SLC6A11: variants seen among roughly 807,000 people sequenced by gnomAD.
The protein encoded by SLC6A11 is solute carrier family 6 member 11.
In SLC6A11, 25 loss-of-function variants were observed where a neutral mutation model predicts 74.8. The ratio of observed to expected loss-of-function variants is 0.33; its 90% CI spans 0.24 to 0.47. The LOEUF is 0.47. Ranked by LOEUF, SLC6A11 falls within the 20% of genes least tolerant of loss-of-function variation. SLC6A11 has a pLI of 1.00. For synonymous variants in SLC6A11, 330 were observed against 330.2 expected, an observed-to-expected ratio of 1.00 and a Z score of 0.01; for missense variants, 574 against 837.0, an observed-to-expected ratio of 0.69 and a Z score of 3.88.
intron 5 of SLC6A11, among the ~76,000 whole-genome samples, chr3:10,846,733 C>A (rs771917032): frequency 6.6e-6 from 1 of 152,150 alleles, no homozygotes; most frequent in Non-Finnish European, 1.5e-5. Flanking sequence ...TTCCACTCCC[C>A]GGCAACTTGC....
chr3:10,938,509 A>G lies in SLC6A11; in HGVS notation c.*107A>G. ...AATGGTAGGGGCTTGCTTGTTTTGC[A>G]CAGGATTAATTAACAAGTTAATTTT... On this transcript the variant is annotated 3_prime_UTR_variant, in exon 14 of 14. Coordinates refer to ENST00000254488, the MANE Select transcript of SLC6A11 (RefSeq NM_014229.3). The G allele has an allele frequency of 8.1e-7, 1 of 1,232,368 alleles. No individual in the cohort carries two copies. Among genetic ancestry groups the G allele is most frequent in the South Asian group, 1.6e-5 (1 of 63,660 alleles). 76.3% of individuals were successfully genotyped at this position (1,232,368 alleles called of 1,614,324 possible). A position where few individuals can be genotyped will look rare whatever the true frequency, so the allele number is the denominator to read the frequency against.
chr3:10,842,132 G>A (rs115316663), intron 4 of SLC6A11, among the ~76,000 whole-genome samples: 4 of 152,280 alleles, frequency 2.6e-5, no homozygotes, highest in Admixed American at 6.5e-5. Flanking sequence ...TTTGGGAGCC[G>A]GTGTATTTCT....
At chr3:10,849,114 A>G (rs1694540592) in intron 5 of SLC6A11, among the ~76,000 whole-genome samples, 1 of 152,144 alleles carries the variant, frequency 6.6e-6, no homozygotes, top group Non-Finnish European at 1.5e-5. Flanking sequence ...TTCTTCATAG[A>G]TATTTTCCCT....
chr3:10,899,801 A>G (rs904394677), intron 6 of SLC6A11, among the ~76,000 whole-genome samples: 1 of 152,204 alleles, frequency 6.6e-6, no homozygotes, highest in South Asian at 2.1e-4. Context: ...TGTCCTTAGT[A>G]TGGAGCAGGA....
At chr3:10,883,316 T>A (rs765790235) in intron 6 of SLC6A11, among the ~76,000 whole-genome samples, 7 of 152,216 alleles carry the variant, frequency 4.6e-5, no homozygotes, top group Non-Finnish European at 2.9e-5. Flanking sequence ...TTTCAGTCTT[T>A]GGGGAGCTGA....
At chr3:10,850,588 A>G (rs1178129791) in intron 5 of SLC6A11, among the ~76,000 whole-genome samples, 1 of 152,118 alleles carries the variant, frequency 6.6e-6, no homozygotes, top group Non-Finnish European at 1.5e-5. Context: ...GATGGGAAGG[A>G]TGGGATGGGG....
At chr3:10,916,887 T>C (rs148130433) in intron 7 of SLC6A11, among the ~76,000 whole-genome samples, 3 of 152,196 alleles carry the variant, frequency 2.0e-5, no homozygotes, top group Non-Finnish European at 4.4e-5. Flanking sequence ...ACCAGTTCAA[T>C]GCTCTCTCTA....
intron 5 of SLC6A11, among the ~76,000 whole-genome samples, chr3:10,850,962 GC>G (rs1694567535): frequency 1.3e-5 from 2 of 152,170 alleles, no homozygotes; most frequent in South Asian, 4.1e-4. Context: ...GTTCTGCAGG[GC>G]CTGGTTCCAT....
chr3:10,916,440 C>G (rs1410132480), intron 7 of SLC6A11, among the ~76,000 whole-genome samples: 1 of 152,208 alleles, frequency 6.6e-6, no homozygotes, highest in Non-Finnish European at 1.5e-5. Context: ...TGAGGAGACT[C>G]TCCTGCAGGC....
intron 6 of SLC6A11, among the ~76,000 whole-genome samples, chr3:10,875,842 A>G (rs533293461): frequency 1.2e-4 from 18 of 152,126 alleles, no homozygotes; most frequent in Non-Finnish European, 2.2e-4. Flanking sequence ...CACGTCAGAA[A>G]CTCTTGGGGA....
chr3:10,887,897 A>G (rs1354487656), intron 6 of SLC6A11, among the ~76,000 whole-genome samples: 1 of 152,238 alleles, frequency 6.6e-6, no homozygotes, highest in Non-Finnish European at 1.5e-5. Flanking sequence ...GGGAATCATA[A>G]GAAATAAGAT....
chr3:10,916,040 G>T (rs547503341), intron 7 of SLC6A11, among the ~76,000 whole-genome samples: 2 of 152,174 alleles, frequency 1.3e-5, no homozygotes, highest in African/African-American at 2.4e-5. Flanking sequence ...AAAGCATCAC[G>T]TGGGAGAATT....
intron 5 of SLC6A11, among the ~76,000 whole-genome samples, chr3:10,849,822 A>G (rs1016261144): frequency 1.0e-5 from 1 of 97,824 alleles, no homozygotes; most frequent in Non-Finnish European, 2.1e-5. Context: ...AAAAAAAAAA[A>G]CGAAAAAAAA....
chr3:10,818,084 TTAA>T (rs1472547645), intron 1 of SLC6A11, among the ~76,000 whole-genome samples: 16 of 145,800 alleles, frequency 1.1e-4, no homozygotes, highest in African/African-American at 4.1e-4. Context: ...TTTTTTTTTT[TTAA>T]AAAAAAAGGT....
At chr3:10,849,599 A>T (rs1000605781) in intron 5 of SLC6A11, among the ~76,000 whole-genome samples, 14 of 152,230 alleles carry the variant, frequency 9.2e-5, no homozygotes, top group African/African-American at 3.4e-4. Context: ...CCAGAATGAA[A>T]ATTGCCCTTA....
At chr3:10,877,425 G>A (rs1031721483) in intron 6 of SLC6A11, among the ~76,000 whole-genome samples, 1 of 152,198 alleles carries the variant, frequency 6.6e-6, no homozygotes, top group African/African-American at 2.4e-5. Flanking sequence ...CGGGTATGCA[G>A]ACTGTGTTCC....
intron 13 of SLC6A11, 114 bp downstream of exon 13, chr3:10,935,313 C>A: frequency 1.1e-6 from 1 of 925,378 alleles, no homozygotes; most frequent in Non-Finnish European, 1.7e-6. Flanking sequence ...CTCAAGGGGA[C>A]GCTGTGGCAA....
chr3:10,883,867 T>G (rs1228862044), intron 6 of SLC6A11, among the ~76,000 whole-genome samples: 2 of 152,184 alleles, frequency 1.3e-5, no homozygotes, highest in African/African-American at 4.8e-5. Context: ...TGGGGGCCAC[T>G]ACTTGAGACT....
intron 5 of SLC6A11, among the ~76,000 whole-genome samples, chr3:10,873,964 T>C (rs899785722): frequency 2.2e-5 from 3 of 139,244 alleles, no homozygotes; most frequent in African/African-American, 3.3e-5. Context: ...TATGCTACGC[T>C]ATGCTATGCT....
Sources: allele counts gnomAD v4.1 joint callset (sites outside exome capture counted in the v4.1 genomes callset), GRCh38; gene constraint gnomAD v4.1.1; transcripts MANE v1.5; gene names NCBI Gene and HGNC (gene_info 2026-07-23, HGNC 2026-07-21).